Variants in ATP6V1C1 observed in about 807,000 individuals in gnomAD.
ATP6V1C1 encodes the protein V-type proton ATPase subunit C 1.
A neutral mutation model predicts 53.9 loss-of-function variants in ATP6V1C1; 45 were observed. The ratio of observed to expected loss-of-function variants is 0.83; its 90% CI spans 0.66 to 1.07. The LOEUF is 1.07. ATP6V1C1 is among the 50% of genes least tolerant of loss of function. ATP6V1C1 has a pLI of 0.00. For missense variants in ATP6V1C1, 315 were observed against 440.3 expected, an observed-to-expected ratio of 0.72 and a Z score of 2.55; for synonymous variants, 153 against 155.2, an observed-to-expected ratio of 0.99 and a Z score of 0.11.
chr8:103,062,908 A>G, intron 8 of ATP6V1C1, 47 bp from the exon 9 acceptor site: 1 of 1,552,002 alleles, frequency 6.4e-7, no homozygotes, highest in South Asian at 1.1e-5. Flanking sequence ...AATATGAAAG[A>G]CAGCAATACG....
At chr8:103,048,826 G>A (rs200307282) in intron 3 of ATP6V1C1, 44 bp from the exon 4 acceptor site, 3 of 1,524,250 alleles carry the variant, frequency 2.0e-6, no homozygotes, top group East Asian at 4.5e-5. Context: ...ATGGAATTTA[G>A]ATCTTTTTCC....
chr8:103,027,247 AGTT>A lies in ATP6V1C1; in HGVS notation c.-40+6026_-40+6028del, dbSNP rs577824618. Among the ~76,000 whole-genome samples the A allele has an allele frequency of 9.8e-5, 15 of 152,340 alleles. No individual in the cohort carries two copies. In the South Asian group the frequency reaches 3.1e-3, roughly 32 times the overall value. On this transcript the variant is annotated intron_variant, in intron 1 of 12. Coordinates refer to ENST00000518738, the MANE Select transcript of ATP6V1C1 (RefSeq NM_001695.5). ...TGGTATTTTCAAGTACTGAAAAGGA[AGTT>A]GTTTTGCATGGAGACCACCTTCTAG...
chr8:103,047,458 ACACAC>A (rs1259097581), intron 3 of ATP6V1C1, among the ~76,000 whole-genome samples: 390 of 100,160 alleles, frequency 3.9e-3, no homozygotes, highest in Admixed American at 5.7e-3. Context: ...ACACACACAC[ACACAC>A]ATTTTTTTTT....
At chr8:103,043,362 G>A (rs1031193153) in intron 3 of ATP6V1C1, among the ~76,000 whole-genome samples, 5 of 151,912 alleles carry the variant, frequency 3.3e-5, no homozygotes, top group African/African-American at 7.3e-5. Context: ...TCGCTCTGTC[G>A]CCCAGGCTGG....
At chr8:103,036,607 T>A (rs1488444134) in intron 1 of ATP6V1C1, among the ~76,000 whole-genome samples, 1 of 152,234 alleles carries the variant, frequency 6.6e-6, no homozygotes, top group African/African-American at 2.4e-5. Context: ...TATCATGACA[T>A]TATTTCCTTT....
At position 103,067,068 on chromosome 8, in the gene ATP6V1C1, CAG is replaced by C. The variant is rs578110478; in HGVS notation, c.1053+624_1053+625del. Among the ~76,000 whole-genome samples, 5 of 151,670 alleles carry C rather than the reference CAG, an allele frequency of 3.3e-5. No homozygotes were observed. In the East Asian group the frequency reaches 9.7e-4, roughly 29 times the overall value. ...TTTTTTAAACAAAAGAAGATATAAA[CAG>C]AGTTACTTGTGTTTTTTTGTTGTTG... On this transcript the variant is annotated intron_variant, in intron 12 of 12. Coordinates refer to ENST00000518738, the MANE Select transcript of ATP6V1C1 (RefSeq NM_001695.5).
In ATP6V1C1 at chr8:103,066,402, T is replaced by C. The variant is rs761894655; in HGVS notation, c.1008T>C (p.His336=). ...KTLKKLREVL[H]ELYKHLDSSA... ...TGAAGAAACTGAGAGAAGTATTACA[T>C]GAATTGTATAAACATCTAGACAGCA... Residue 336 remains histidine, a synonymous_variant, in exon 12 of 13, where the codon CAT becomes CAC. Transcript: ENST00000518738. 12 of 1,613,322 alleles carry C rather than the reference T, an allele frequency of 7.4e-6. No individual in the cohort carries two copies. The South Asian group carries it at 1.3e-4, about 18-fold the overall frequency.
rs537846591 is a variant in ATP6V1C1 at position 103,065,821 on chromosome 8, A to C, written c.927-500A>C. Reference sequence around the variant, plus strand: ...CACTTTGGGAGGCCAAGGCGGGCAGATCATGAGGTCAAGAGATTGAGACCA... The same window carrying C: ...CACTTTGGGAGGCCAAGGCGGGCAGCTCATGAGGTCAAGAGATTGAGACCA... On this transcript the variant is annotated intron_variant, in intron 11 of 12. Transcript: ENST00000518738. 9.2e-5 allele frequency among the ~76,000 whole-genome samples: 14 copies of C among 152,278 alleles called. No individual in the cohort carries two copies. The South Asian group carries it at 2.9e-3, about 32-fold the overall frequency.
chr8:103,038,578 A>G (rs907922782), intron 1 of ATP6V1C1, among the ~76,000 whole-genome samples: 3 of 152,250 alleles, frequency 2.0e-5, no homozygotes, highest in African/African-American at 7.2e-5. Context: ...TGTTTATAAT[A>G]GCAAAAAAGT....
chr8:103,022,442 T>G (rs941075431), intron 1 of ATP6V1C1, among the ~76,000 whole-genome samples: 2 of 152,132 alleles, frequency 1.3e-5, no homozygotes, highest in Non-Finnish European at 2.9e-5. Context: ...GAATACATGC[T>G]GTATGCAGGT....
At chr8:103,042,261 C>T (rs946398382) in intron 2 of ATP6V1C1, 79 bp from the exon 3 acceptor site, 2 of 1,377,140 alleles carry the variant, frequency 1.5e-6, no homozygotes, top group African/African-American at 2.9e-5. Context: ...TTTGTGAGAA[C>T]TTTAGGTCAA....
Position 103,066,467 on chromosome 8 carries a change from G to GT in ATP6V1C1, c.1053+21dup. On this transcript the variant is annotated intron_variant, in intron 12 of 12. Coordinates refer to ENST00000518738, the MANE Select transcript of ATP6V1C1 (RefSeq NM_001695.5). ...ATTGATGTAAGTACTTATTAGCCCA[G>GT]TAGAGTAAGAATTGAAGTGAATTTC... 6.5e-7 allele frequency: 1 copy of GT among 1,531,940 alleles called. No individual in the cohort carries two copies. Among genetic ancestry groups the GT allele is most frequent in the Non-Finnish European group, 8.7e-7 (1 of 1,143,624 alleles). 94.9% of individuals were successfully genotyped at this position (1,531,940 alleles called of 1,614,324 possible).
chr8:103,026,401 C>T (rs1053535252), intron 1 of ATP6V1C1, among the ~76,000 whole-genome samples: 2 of 152,280 alleles, frequency 1.3e-5, no homozygotes, highest in South Asian at 4.1e-4. Context: ...AATTGCCTTT[C>T]ATATTTAAGT....
intron 1 of ATP6V1C1, among the ~76,000 whole-genome samples, chr8:103,031,105 A>G (rs1422895023): frequency 6.6e-6 from 1 of 152,240 alleles, no homozygotes; most frequent in East Asian, 1.9e-4. Flanking sequence ...TACACAGTGC[A>G]GCATTTTTAC....
chr8:103,056,008 A>G, intron 8 of ATP6V1C1, 72 bp downstream of exon 8: 2 of 1,433,366 alleles, frequency 1.4e-6, no homozygotes, highest in Non-Finnish European at 9.8e-7. Context: ...GGCTTAGGAA[A>G]TATGTTTGCT....
chr8:103,061,437 G>A (rs1817393839), intron 8 of ATP6V1C1, among the ~76,000 whole-genome samples: 1 of 152,110 alleles, frequency 6.6e-6, no homozygotes, highest in Non-Finnish European at 1.5e-5. Flanking sequence ...AACTACACTT[G>A]CTTTAAACAT....
At chr8:103,032,295 A>G (rs577931756) in intron 1 of ATP6V1C1, among the ~76,000 whole-genome samples, 1 of 152,338 alleles carries the variant, frequency 6.6e-6, no homozygotes, top group East Asian at 1.9e-4. Context: ...CCGCATGGAA[A>G]TGCATCATGG....
chr8:103,058,811 G>A (rs945456797), intron 8 of ATP6V1C1, among the ~76,000 whole-genome samples: 23 of 152,144 alleles, frequency 1.5e-4, no homozygotes, highest in African/African-American at 4.8e-4. Flanking sequence ...AAGATTGGAC[G>A]GTTTTGAAAT....
At chr8:103,025,418 A>G (rs1033878304) in intron 1 of ATP6V1C1, among the ~76,000 whole-genome samples, 1 of 152,246 alleles carries the variant, frequency 6.6e-6, no homozygotes, top group African/African-American at 2.4e-5. Context: ...ATGTGGTGTC[A>G]GTTTATTTGT....
Sources: allele counts gnomAD v4.1 joint callset (sites outside exome capture counted in the v4.1 genomes callset), GRCh38; gene constraint gnomAD v4.1.1; transcripts MANE v1.5; gene names NCBI Gene and HGNC (gene_info 2026-07-23, HGNC 2026-07-21).